KCND2: variants seen among roughly 807,000 people sequenced by gnomAD.
KCND2 encodes the protein A-type voltage-gated potassium channel KCND2.
A neutral mutation model predicts 54.4 loss-of-function variants in KCND2; 16 were observed. The ratio of observed to expected loss-of-function variants is 0.29; its 90% CI spans 0.20 to 0.45. The LOEUF (loss-of-function observed/expected upper bound fraction) is 0.45. KCND2 is among the 20% of genes least tolerant of loss of function. The pLI, the probability that KCND2 is intolerant of heterozygous loss-of-function variation, is 1.00. For missense variants in KCND2, 486 were observed against 824.2 expected (o/e 0.59, Z 5.02); for synonymous variants, 317 against 310.7 (o/e 1.02, Z -0.21).
intron 1 of KCND2, among the ~76,000 whole-genome samples, chr7:120,672,668 A>G (rs887735443): frequency 2.6e-5 from 4 of 152,218 alleles, no homozygotes; most frequent in Admixed American, 1.3e-4. Context: ...AGCCAGATCT[A>G]TCAGCAGATC....
In KCND2 at chr7:120,720,906, T is replaced by A. The variant is rs115219477; in HGVS notation, c.1116-11997T>A. On this transcript the variant is annotated intron_variant, in intron 1 of 5. Coordinates refer to ENST00000331113, the MANE Select transcript of KCND2 (RefSeq NM_012281.3). ...CTGTTTTAAAAGTAAGGTACTCTGC[T>A]CACAATCCAACCTCACTTCCAGAAA... is the stretch of plus-strand genomic sequence containing the variant. 3.3e-3 allele frequency among the ~76,000 whole-genome samples: 496 copies of A among 152,232 alleles called. 3 individuals are homozygous for A. Among genetic ancestry groups the A allele is most frequent in the African/African-American group, 0.011 (471 of 41,550 alleles).
At chr7:120,668,197 CA>C (rs947123213) in intron 1 of KCND2, among the ~76,000 whole-genome samples, 1 of 152,002 alleles carries the variant, frequency 6.6e-6, no homozygotes, top group African/African-American at 2.4e-5. Context: ...TTTTCTTCCT[CA>C]AAAAATTTCA....
rs767749409 is a variant in KCND2, at chr7:120,274,806, C to T, written c.174C>T (p.Thr58=). ...SGTRFQTWQD[T]LERYPDTLLG... is the part of the protein sequence containing the mutation. The stretch of plus-strand genomic sequence containing the variant: ...CCCGCTTCCAGACGTGGCAGGACAC[C>T]CTGGAACGTTACCCAGACACTCTAC... The change falls in exon 1 of 6, where the codon ACC becomes ACT. Residue 58 remains threonine, a synonymous_variant. Coordinates refer to ENST00000331113, the MANE Select transcript of KCND2 (RefSeq NM_012281.3). 3.7e-6 allele frequency: 6 copies of T among 1,614,032 alleles called. No individual in the cohort carries two copies. Among genetic ancestry groups the T allele is most frequent in the Middle Eastern group, 3.3e-4 (2 of 6,062 alleles).
At chr7:120,342,909 G>A (rs181353426) in intron 1 of KCND2, among the ~76,000 whole-genome samples, 206 of 152,238 alleles carry the variant, frequency 1.4e-3, no homozygotes, top group Middle Eastern at 3.4e-3. Flanking sequence ...ATCAATGACA[G>A]AAGTGAAAAA....
intron 1 of KCND2, among the ~76,000 whole-genome samples, chr7:120,647,127 GT>G (rs1020676906): frequency 1.3e-5 from 2 of 152,056 alleles, no homozygotes; most frequent in African/African-American, 2.4e-5. Context: ...CTTTGTTTCT[GT>G]TTTTTTCAGC....
chr7:120,584,970 A>G (rs1792574201), intron 1 of KCND2, among the ~76,000 whole-genome samples: 1 of 152,240 alleles, frequency 6.6e-6, no homozygotes, highest in Non-Finnish European at 1.5e-5. Context: ...TGCCTTAATT[A>G]GAAGAGTGAC....
Position 120,678,619 on chromosome 7 carries a change from A to G in KCND2, c.1116-54284A>G, listed in dbSNP as rs1027213620. On this transcript the variant is annotated intron_variant, in intron 1 of 5. Transcript: ENST00000331113. Reference sequence around the variant, plus strand: ...TATATATACACATACACACATATATACACATTAAAGTTCATTACACACACA... The same window carrying G: ...TATATATACACATACACACATATATGCACATTAAAGTTCATTACACACACA... Among the ~76,000 whole-genome samples, 3 of 147,940 alleles carry G rather than the reference A, an allele frequency of 2.0e-5. No individual in the cohort carries two copies. In the Admixed American group the frequency reaches 2.0e-4, roughly 10 times the overall value.
chr7:120,401,477 C>G (rs1801253031), intron 1 of KCND2, among the ~76,000 whole-genome samples: 1 of 152,112 alleles, frequency 6.6e-6, no homozygotes, highest in Non-Finnish European at 1.5e-5. Flanking sequence ...TTTATGGACT[C>G]TGAGCCAGTT....
intron 1 of KCND2, among the ~76,000 whole-genome samples, chr7:120,358,601 T>G (rs1006218802): frequency 6.6e-6 from 1 of 152,146 alleles, no homozygotes; most frequent in African/African-American, 2.4e-5. Flanking sequence ...ATACTGCTAA[T>G]GTACAGAAAA....
At chr7:120,728,911 A>C (rs1792770789) in intron 1 of KCND2, among the ~76,000 whole-genome samples, 1 of 152,204 alleles carries the variant, frequency 6.6e-6, no homozygotes, top group Non-Finnish European at 1.5e-5. Context: ...CAGGAAACCA[A>C]GTTGCCTAGG....
At chr7:120,658,758 A>G (rs985760727) in intron 1 of KCND2, among the ~76,000 whole-genome samples, 15 of 152,346 alleles carry the variant, frequency 9.8e-5, no homozygotes, top group African/African-American at 3.6e-4. Flanking sequence ...AATCATTATT[A>G]TAATCATCTT....
At chr7:120,297,805 T>C (rs754658503) in intron 1 of KCND2, among the ~76,000 whole-genome samples, 2 of 152,182 alleles carry the variant, frequency 1.3e-5, no homozygotes, top group Non-Finnish European at 2.9e-5. Flanking sequence ...TTTTGGATTT[T>C]ATGTTTGTTC....
intron 1 of KCND2, among the ~76,000 whole-genome samples, chr7:120,387,822 G>A (rs1584757639): frequency 6.6e-6 from 1 of 151,842 alleles, no homozygotes; most frequent in South Asian, 2.1e-4. Context: ...GGATGCTGGC[G>A]ATAATACATT....
At chr7:120,725,861 C>T (rs1792727375) in intron 1 of KCND2, among the ~76,000 whole-genome samples, 1 of 152,062 alleles carries the variant, frequency 6.6e-6, no homozygotes, top group Non-Finnish European at 1.5e-5. Context: ...CATATGAAAA[C>T]ATATAGTATC....
chr7:120,521,403 T>C (rs1170970486), intron 1 of KCND2, among the ~76,000 whole-genome samples: 2 of 152,116 alleles, frequency 1.3e-5, no homozygotes, highest in Non-Finnish European at 1.5e-5. Context: ...TTTACCTGTG[T>C]CAGATTTATT....
intron 1 of KCND2, among the ~76,000 whole-genome samples, chr7:120,516,690 T>C (rs911285284): frequency 6.6e-6 from 1 of 152,108 alleles, no homozygotes; most frequent in Non-Finnish European, 1.5e-5. Flanking sequence ...ACTCCGTTAA[T>C]AAAAATTTCC....
chr7:120,712,062 G>A (rs1170862303), intron 1 of KCND2, among the ~76,000 whole-genome samples: 3 of 151,248 alleles, frequency 2.0e-5, no homozygotes, highest in African/African-American at 4.9e-5. Context: ...TGACTTGATC[G>A]GTCCTAGCTG....
intron 1 of KCND2, among the ~76,000 whole-genome samples, chr7:120,431,243 T>C (rs1375842790): frequency 7.2e-5 from 11 of 152,308 alleles, no homozygotes; most frequent in East Asian, 1.9e-4. Context: ...CAAATAATGA[T>C]TAGTAATACC....
chr7:120,515,483 A>T (rs1291553157), intron 1 of KCND2, among the ~76,000 whole-genome samples: 1 of 152,162 alleles, frequency 6.6e-6, no homozygotes, highest in East Asian at 1.9e-4. Context: ...TAGTAGTTGC[A>T]AGAAGATATC....
Sources: allele counts gnomAD v4.1 joint callset (sites outside exome capture counted in the v4.1 genomes callset), GRCh38; gene constraint gnomAD v4.1.1; transcripts MANE v1.5; gene names NCBI Gene and HGNC (gene_info 2026-07-23, HGNC 2026-07-21).